HIVEP3: variants seen among roughly 807,000 people sequenced by gnomAD.
HIVEP3 encodes HIVEP zinc finger 3.
HIVEP3 carries 49 observed loss-of-function variants against 152.8 expected under a neutral mutation model. The observed-to-expected ratio is 0.32, with a 90% CI of 0.26 to 0.41. The LOEUF is 0.41. Ranked by LOEUF, HIVEP3 falls within the 10% of genes least tolerant of loss-of-function variation. The pLI is 1.00. For missense variants in HIVEP3, 2,790 were observed against 3,103.3 expected (o/e 0.90, Z 2.40); for synonymous variants, 1,269 against 1,289.0 (o/e 0.98, Z 0.33).
intron 2 of HIVEP3, among the ~76,000 whole-genome samples, chr1:41,631,470 A>T (rs993008985): frequency 2.0e-5 from 3 of 152,174 alleles, no homozygotes; most frequent in Non-Finnish European, 2.9e-5. Context: ...ACCCGCACAC[A>T]GGCCTGGGGC....
intron 2 of HIVEP3, among the ~76,000 whole-genome samples, chr1:41,659,507 C>T (rs1398774200): frequency 6.6e-6 from 1 of 152,244 alleles, no homozygotes; most frequent in Admixed American, 6.5e-5. Context: ...AGGCACTCAG[C>T]AAACATGTTC....
chr1:41,653,215 C>CGAGTGTGTGT (rs1645577906), intron 2 of HIVEP3, among the ~76,000 whole-genome samples: 1 of 149,884 alleles, frequency 6.7e-6, no homozygotes, highest in African/African-American at 2.5e-5. Flanking sequence ...AATGTGTGTG[C>CGAGTGTGTGT]GTGTGTGTGT....
chr1:41,548,517 T>A (rs1643860141), intron 5 of HIVEP3, among the ~76,000 whole-genome samples: 1 of 149,214 alleles, frequency 6.7e-6, no homozygotes, highest in African/African-American at 2.5e-5. Flanking sequence ...ACCTAAAATG[T>A]ACCACTTGAA....
At chr1:41,889,756 G>C (rs1644417863) in intron 1 of HIVEP3, among the ~76,000 whole-genome samples, 1 of 152,172 alleles carries the variant, frequency 6.6e-6, no homozygotes, top group Non-Finnish European at 1.5e-5. Context: ...AGCTCCTGTA[G>C]GAATAACGGA....
chr1:41,680,051 T>C (rs1235736963), intron 2 of HIVEP3, among the ~76,000 whole-genome samples: 1 of 152,234 alleles, frequency 6.6e-6, no homozygotes, highest in African/African-American at 2.4e-5. Flanking sequence ...GATCCTGCCC[T>C]GAAGGGGAGA....
At chr1:41,609,747 C>T (rs1445408370) in intron 3 of HIVEP3, among the ~76,000 whole-genome samples, 1 of 152,258 alleles carries the variant, frequency 6.6e-6, no homozygotes, top group Non-Finnish European at 1.5e-5. Context: ...ACGCCGTTCC[C>T]AATGGCTGAA....
intron 3 of HIVEP3, among the ~76,000 whole-genome samples, chr1:41,600,818 A>G (rs1644735321): frequency 6.6e-6 from 1 of 152,152 alleles, no homozygotes; most frequent in South Asian, 2.1e-4. Flanking sequence ...GTTTTATGTC[A>G]TAAAGTTTTC....
At chr1:41,713,806 C>T (rs1396298700) in intron 1 of HIVEP3, among the ~76,000 whole-genome samples, 1 of 152,206 alleles carries the variant, frequency 6.6e-6, no homozygotes, top group African/African-American at 2.4e-5. Flanking sequence ...ACCTGCCATG[C>T]TGAGCTCTGG....
intron 1 of HIVEP3, among the ~76,000 whole-genome samples, chr1:41,916,718 C>T (rs996795072): frequency 7.9e-5 from 12 of 152,172 alleles, no homozygotes; most frequent in African/African-American, 2.9e-4. Flanking sequence ...CACAGTATAG[C>T]CCAACCCCAG....
At position 41,809,814 on chromosome 1, in the gene HIVEP3, T is replaced by A. The variant is rs1650843510; in HGVS notation, c.-801+108599A>T. ...CAAGTGAATGGGAGGAGGGTTCAGA[T>A]GAAAGAAAAAGGGGAAGGTCCCTGA... On this transcript the variant is annotated intron_variant, in intron 1 of 8. Coordinates refer to ENST00000372583, the MANE Select transcript of HIVEP3 (RefSeq NM_024503.5). 1.3e-5 allele frequency among the ~76,000 whole-genome samples: 2 copies of A among 152,008 alleles called. 1 individual carries two copies. The highest frequency in any genetic ancestry group is 4.2e-4 in the South Asian group (2 of 4,818).
intron 5 of HIVEP3, among the ~76,000 whole-genome samples, chr1:41,532,696 A>G (rs191772811): frequency 2.0e-4 from 30 of 152,238 alleles, no homozygotes; most frequent in African/African-American, 7.0e-4. Context: ...AGAAGTTTCA[A>G]CTTGGCTCTA....
chr1:41,680,074 G>C (rs1646015394), intron 2 of HIVEP3, among the ~76,000 whole-genome samples: 1 of 152,252 alleles, frequency 6.6e-6, no homozygotes, highest in African/African-American at 2.4e-5. Context: ...GGCCAGGATG[G>C]TTGAGCCTCC....
At chr1:41,831,355 A>G (rs192660510) in intron 1 of HIVEP3, among the ~76,000 whole-genome samples, 152 of 152,290 alleles carry the variant, frequency 1.0e-3, no homozygotes, top group African/African-American at 3.0e-3. Flanking sequence ...CTGCGGAATG[A>G]GATGGTAGAA....
chr1:41,929,239 G>C (rs1644983542), intron 1 of HIVEP3, among the ~76,000 whole-genome samples: 2 of 152,082 alleles, frequency 1.3e-5, no homozygotes, highest in African/African-American at 2.4e-5. Context: ...CAAATAATCA[G>C]TGTATTCAAC....
intron 1 of HIVEP3, among the ~76,000 whole-genome samples, chr1:41,860,592 A>G (rs1643874767): frequency 6.6e-6 from 1 of 152,204 alleles, no homozygotes; most frequent in Non-Finnish European, 1.5e-5. Flanking sequence ...AGAATAAACT[A>G]TTCTTGGATT....
intron 5 of HIVEP3, among the ~76,000 whole-genome samples, chr1:41,531,996 CA>C (rs1280915089): frequency 9.2e-6 from 1 of 108,820 alleles, no homozygotes; most frequent in African/African-American, 3.8e-5. Context: ...AGATGGAGGA[CA>C]GGGGAGATGG....
intron 2 of HIVEP3, among the ~76,000 whole-genome samples, chr1:41,656,404 C>T (rs1398311193): frequency 6.6e-6 from 1 of 152,210 alleles, no homozygotes; most frequent in Non-Finnish European, 1.5e-5. Context: ...GTGGCAGTTC[C>T]AGGAACAGAA....
chr1:41,821,732 G>A (rs913973548), intron 1 of HIVEP3, among the ~76,000 whole-genome samples: 5 of 152,208 alleles, frequency 3.3e-5, no homozygotes, highest in East Asian at 1.9e-4. Flanking sequence ...AGAGAGATGG[G>A]TAATGGGTAT....
chr1:41,915,439 C>T (rs544216382), intron 1 of HIVEP3, among the ~76,000 whole-genome samples: 1 of 152,152 alleles, frequency 6.6e-6, no homozygotes, highest in East Asian at 1.9e-4. Flanking sequence ...TTTAATAATC[C>T]TTGCACAGTA....
Sources: allele counts gnomAD v4.1 joint callset (sites outside exome capture counted in the v4.1 genomes callset), GRCh38; gene constraint gnomAD v4.1.1; transcripts MANE v1.5; gene names NCBI Gene and HGNC (gene_info 2026-07-23, HGNC 2026-07-21).